The following DPP6 variants were observed in gnomAD, a reference collection of about 807,000 sequenced individuals.
DPP6 encodes dipeptidyl peptidase like 6.
DPP6 carries 69 observed loss-of-function variants against 122.6 expected under a neutral mutation model. The ratio of observed to expected loss-of-function variants is 0.56; its 90% CI spans 0.46 to 0.69. The LOEUF (loss-of-function observed/expected upper bound fraction) is 0.69, where lower values mean the gene tolerates loss of function less well. Among genes scored for constraint, DPP6 ranks in the 30% least tolerant of loss-of-function variants. The probability of loss-of-function intolerance (pLI) is 0.00; values close to 1 mark genes in which losing one functional copy is unlikely to be tolerated. For missense variants in DPP6, 928 were observed against 1,116.9 expected, an observed-to-expected ratio of 0.83 and a Z score of 2.41; for synonymous variants, 418 against 433.1, an observed-to-expected ratio of 0.97 and a Z score of 0.43.
chr7:154,718,689 G>A (rs1219692405), intron 7 of DPP6, among the ~76,000 whole-genome samples: 1 of 147,820 alleles, frequency 6.8e-6, no homozygotes, highest in Non-Finnish European at 1.5e-5. Flanking sequence ...GCCCAGGCTG[G>A]AGTGCAGTGG....
chr7:154,560,897 A>AG (rs997926644), intron 4 of DPP6, among the ~76,000 whole-genome samples: 2 of 152,056 alleles, frequency 1.3e-5, no homozygotes, highest in Non-Finnish European at 2.9e-5. Flanking sequence ...AAAAAAAAAA[A>AG]AAATGAAATG....
At chr7:153,848,097 C>T in the DPP6 span, among the ~76,000 whole-genome samples, 6,162 of 152,168 alleles carry the variant, frequency 0.04, 405 homozygotes, top group African/African-American at 0.14. Flanking sequence ...GATAGGGGAC[C>T]GGGCCACTCA....
intron 7 of DPP6, among the ~76,000 whole-genome samples, chr7:154,682,582 T>C (rs186145488): frequency 5.1e-4 from 78 of 152,322 alleles, no homozygotes; most frequent in African/African-American, 1.9e-3. Flanking sequence ...CAGAAGATAA[T>C]TTGCTCACTT....
At chr7:154,757,626 C>T (rs1795216252) in intron 8 of DPP6, among the ~76,000 whole-genome samples, 1 of 152,204 alleles carries the variant, frequency 6.6e-6, no homozygotes, top group Non-Finnish European at 1.5e-5. Context: ...GATGTTTCCT[C>T]CCTAGCTGGG....
chr7:154,134,291 A>C (rs1795432985), intron 1 of DPP6, among the ~76,000 whole-genome samples: 1 of 152,158 alleles, frequency 6.6e-6, no homozygotes, highest in Non-Finnish European at 1.5e-5. Flanking sequence ...TTAGTGCTGG[A>C]AGTCTCCAGA....
chr7:154,816,400 G>T (rs147184973), intron 16 of DPP6, among the ~76,000 whole-genome samples: 250 of 152,062 alleles, frequency 1.6e-3, no homozygotes, highest in Admixed American at 4.4e-3. Flanking sequence ...TTATAATTAG[G>T]TATGTAGGCA....
rs540275431 is a variant in DPP6, at chr7:154,563,707, G to A, written c.553-3135G>A. ...TGCCACTATCTGAGAAGAGGAAAAA[G>A]GTTACAGGAGCTGGAGGTGTGGGAG... On this transcript the variant is annotated intron_variant, in intron 4 of 25. Transcript: ENST00000377770. 3.3e-5 allele frequency among the ~76,000 whole-genome samples: 5 copies of A among 152,290 alleles called. 1 individual carries two copies. The South Asian group carries it at 1.0e-3, about 32-fold the overall frequency.
rs573302516 is a variant in DPP6, at chr7:154,459,117, G to A, written c.358+12789G>A. ...TACAGTCTATGTTATTAAATTTGTC[G>A]AGATGGGAGATGAAATGCAGATTAA... On this transcript the variant is annotated intron_variant, in intron 2 of 25. Transcript: ENST00000377770. Among the ~76,000 whole-genome samples the A allele has an allele frequency of 1.3e-3, 178 of 141,928 alleles. 1 individual carries two copies. Among genetic ancestry groups the A allele is most frequent in the African/African-American group, 4.2e-3 (169 of 40,408 alleles). The allele number at this position is 141,928 out of a possible 152,430, so 93.1% of individuals were successfully genotyped here.
chr7:154,365,298 C>T (rs1447875419), intron 1 of DPP6, among the ~76,000 whole-genome samples: 1 of 152,210 alleles, frequency 6.6e-6, no homozygotes, highest in East Asian at 1.9e-4. Flanking sequence ...CAAAAATAAA[C>T]TTTATAGCAC....
intron 9 of DPP6, among the ~76,000 whole-genome samples, chr7:154,770,968 C>A (rs1266186566): frequency 1.3e-5 from 2 of 152,334 alleles, no homozygotes; most frequent in East Asian, 3.9e-4. Flanking sequence ...TGGAGGTGAG[C>A]AGTTTCCTGC....
At chr7:153,833,205 G>A in the DPP6 span, among the ~76,000 whole-genome samples, 1 of 152,318 alleles carries the variant, frequency 6.6e-6, no homozygotes, top group African/African-American at 2.4e-5. Context: ...ACGCTGCAAA[G>A]GGGATTTTCC....
chr7:154,718,634 CTTTTTTT>C (rs542191130), intron 7 of DPP6, among the ~76,000 whole-genome samples: 3 of 111,488 alleles, frequency 2.7e-5, no homozygotes, highest in African/African-American at 3.9e-5. Flanking sequence ...CTTCCTCCTC[CTTTTTTT>C]TTTTTTTTTT....
the DPP6 span, among the ~76,000 whole-genome samples, chr7:153,792,825 C>G: frequency 1.3e-5 from 2 of 151,970 alleles, no homozygotes; most frequent in African/African-American, 2.4e-5. Flanking sequence ...GGGGAGGTAA[C>G]TGAATCATGG....
At chr7:153,868,282 G>C in the DPP6 span, among the ~76,000 whole-genome samples, 1 of 152,180 alleles carries the variant, frequency 6.6e-6, no homozygotes, top group Non-Finnish European at 1.5e-5. Flanking sequence ...ATCTGGTCAT[G>C]GACTTTTTTT....
intron 8 of DPP6, among the ~76,000 whole-genome samples, chr7:154,769,152 T>C (rs899825278): frequency 3.3e-5 from 5 of 152,202 alleles, no homozygotes; most frequent in African/African-American, 1.2e-4. Flanking sequence ...AAAAAAGTGT[T>C]TCCAGACGAT....
intron 5 of DPP6, among the ~76,000 whole-genome samples, chr7:154,571,447 T>C (rs1205021188): frequency 6.6e-6 from 1 of 152,212 alleles, no homozygotes; most frequent in Non-Finnish European, 1.5e-5. Context: ...GCCAACCCTA[T>C]GTATTATTGA....
intron 8 of DPP6, among the ~76,000 whole-genome samples, chr7:154,763,334 A>G (rs1254368992): frequency 6.7e-6 from 1 of 148,782 alleles, no homozygotes. Flanking sequence ...TCCATCTCAA[A>G]AAAAGGAAGG....
the DPP6 span, among the ~76,000 whole-genome samples, chr7:153,835,752 G>A: frequency 3.3e-5 from 5 of 152,296 alleles, no homozygotes; most frequent in South Asian, 8.3e-4. Context: ...CCAACGATTG[G>A]TTTTGAGGAC....
chr7:153,795,648 T>A, the DPP6 span, among the ~76,000 whole-genome samples: 2 of 152,184 alleles, frequency 1.3e-5, no homozygotes, highest in Non-Finnish European at 2.9e-5. Context: ...TCCTTTGATG[T>A]TAATTTGCTT....
Sources: allele counts gnomAD v4.1 joint callset (sites outside exome capture counted in the v4.1 genomes callset), GRCh38; gene constraint gnomAD v4.1.1; transcripts MANE v1.5; gene names NCBI Gene and HGNC (gene_info 2026-07-23, HGNC 2026-07-21).